Variants in CFAP61 observed in about 807,000 individuals in gnomAD.
The protein encoded by CFAP61 is cilia and flagella associated protein 61.
In CFAP61, 107 loss-of-function variants were observed where a neutral mutation model predicts 135.6. That is an observed-to-expected ratio of 0.79 (90% CI 0.67 to 0.93). The LOEUF (loss-of-function observed/expected upper bound fraction) is 0.93. Ranked by LOEUF, CFAP61 falls within the 40% of genes least tolerant of loss-of-function variation. CFAP61 has a pLI of 0.00. For missense variants in CFAP61, 1,507 were observed against 1,556.2 expected (o/e 0.97, Z 0.53); for synonymous variants, 575 against 578.5 (o/e 0.99, Z 0.09).
At chr20:20,303,240 T>C (rs976640657) in intron 25 of CFAP61, among the ~76,000 whole-genome samples, 2 of 152,206 alleles carry the variant, frequency 1.3e-5, no homozygotes, top group African/African-American at 2.4e-5. Context: ...CCTGGTTTGT[T>C]TCTCCCTAAA....
intron 12 of CFAP61, among the ~76,000 whole-genome samples, chr20:20,167,910 C>A (rs2053949983): frequency 6.6e-6 from 1 of 152,150 alleles, no homozygotes; most frequent in Admixed American, 6.5e-5. Flanking sequence ...CTGCAGGGAC[C>A]TGGCAGAGGA....
chr20:20,273,453 T>C (rs2053517551), intron 21 of CFAP61, among the ~76,000 whole-genome samples: 1 of 152,162 alleles, frequency 6.6e-6, no homozygotes, highest in African/African-American at 2.4e-5. Flanking sequence ...GCCAACTTAG[T>C]AGTGAATACC....
intron 6 of CFAP61, among the ~76,000 whole-genome samples, chr20:20,084,564 C>T (rs897559177): frequency 2.0e-5 from 3 of 152,238 alleles, no homozygotes; most frequent in Non-Finnish European, 2.9e-5. Flanking sequence ...CCTCTGGGGC[C>T]GTAATCATGT....
chr20:20,070,483 CA>C (rs2045626800), intron 2 of CFAP61, among the ~76,000 whole-genome samples: 1 of 152,152 alleles, frequency 6.6e-6, no homozygotes, highest in South Asian at 2.1e-4. Context: ...CAAAGAGAGA[CA>C]CTTGGCCACC....
chr20:20,333,166 C>T (rs904086790), intron 25 of CFAP61, among the ~76,000 whole-genome samples: 5 of 152,098 alleles, frequency 3.3e-5, no homozygotes, highest in African/African-American at 9.7e-5. Flanking sequence ...TGTGAAGCAG[C>T]CTACACAAAC....
intron 2 of CFAP61, chr20:20,069,886 T>C (rs927721244): frequency 8.4e-6 from 3 of 359,250 alleles, no homozygotes; most frequent in Non-Finnish European, 1.7e-5. Context: ...CCTGTTCTCC[T>C]CAAGAAGGAA....
At chr20:20,195,931 A>G (rs931452610) in intron 15 of CFAP61, among the ~76,000 whole-genome samples, 1 of 152,132 alleles carries the variant, frequency 6.6e-6, no homozygotes, top group Admixed American at 6.5e-5. Flanking sequence ...TTACAAAAAA[A>G]TTAGCCAGGC....
intron 24 of CFAP61, among the ~76,000 whole-genome samples, chr20:20,292,267 C>T (rs535833045): frequency 6.6e-6 from 1 of 152,278 alleles, no homozygotes; most frequent in South Asian, 2.1e-4. Flanking sequence ...AATCATTATT[C>T]CAGATAAATA....
At chr20:20,085,294 G>A (rs1177401357) in intron 6 of CFAP61, 8 of 985,296 alleles carry the variant, frequency 8.1e-6, no homozygotes, top group African/African-American at 3.5e-5. Flanking sequence ...CATAGCTGGG[G>A]TGTTTTGTTT....
Position 20,277,445 on chromosome 20 carries a change from G to A in CFAP61, c.2783G>A (p.Arg928Lys), listed in dbSNP as rs2053855550. The A allele has an allele frequency of 2.5e-6, 4 of 1,610,592 alleles. No individual in the cohort carries two copies. In the East Asian group the frequency reaches 8.9e-5, roughly 36 times the overall value. Residue 928 changes from arginine (R) to lysine (K), a missense_variant, in exon 22 of 27, where the codon AGA (arginine) becomes AAA (lysine). Coordinates refer to ENST00000245957, the MANE Select transcript of CFAP61 (RefSeq NM_015585.4). ...TTCACCACACCCACCAAGCCTTTCA[G>A]ACTCCAGTGCTCTGTAAGTGGGTCC... Reference protein sequence around the residue: ...ASFTTPTKPFRLQCSMFFSFC... With the variant: ...ASFTTPTKPFKLQCSMFFSFC...
intron 13 of CFAP61, among the ~76,000 whole-genome samples, chr20:20,186,768 C>A (rs1269842085): frequency 6.6e-6 from 1 of 152,108 alleles, no homozygotes; most frequent in South Asian, 2.1e-4. Context: ...AAAATTTAAG[C>A]ACAGATGTTC....
intron 13 of CFAP61, among the ~76,000 whole-genome samples, chr20:20,181,310 T>C (rs2055082283): frequency 1.5e-5 from 2 of 129,776 alleles, no homozygotes; most frequent in South Asian, 4.7e-4. Context: ...CATAACCTTG[T>C]GTCTAAAACA....
intron 8 of CFAP61, among the ~76,000 whole-genome samples, chr20:20,131,927 T>C (rs1422124257): frequency 5.3e-5 from 8 of 152,104 alleles, no homozygotes; most frequent in Non-Finnish European, 1.0e-4. Flanking sequence ...ATGTTCTTGT[T>C]TTTTTATTTT....
Position 20,296,063 on chromosome 20 carries a change from C to G in CFAP61, c.3217-2118C>G, listed in dbSNP as rs1297081735. 7.4e-4 allele frequency among the ~76,000 whole-genome samples: 23 copies of G among 31,206 alleles called. 1 individual carries two copies. Among genetic ancestry groups the G allele is most frequent in the Non-Finnish European group, 9.3e-4 (13 of 14,018 alleles). The allele number at this position is 31,206 out of a possible 152,430, so 20.5% of individuals were successfully genotyped here. ...CCTCCCTCCCTTCCTTCCCTTCCTTCCCTTCCTTCCCTCCTTTTCTTCCTT... is the reference window on the plus strand; with the variant it reads ...CCTCCCTCCCTTCCTTCCCTTCCTTGCCTTCCTTCCCTCCTTTTCTTCCTT... On this transcript the variant is annotated intron_variant, in intron 24 of 26. Transcript: ENST00000245957.
intron 2 of CFAP61, among the ~76,000 whole-genome samples, chr20:20,063,049 C>G (rs539349170): frequency 9.1e-4 from 139 of 152,164 alleles, no homozygotes; most frequent in Middle Eastern, 3.4e-3. Context: ...TTCTTAAAAT[C>G]AACTTAAGAA....
chr20:20,352,584 G>A (rs941867559), intron 26 of CFAP61, among the ~76,000 whole-genome samples: 2 of 152,176 alleles, frequency 1.3e-5, no homozygotes, highest in Non-Finnish European at 2.9e-5. Flanking sequence ...ACACAATGGG[G>A]AAAGGACAGT....
chr20:20,231,818 A>C lies in CFAP61; in HGVS notation c.2060+3442A>C, dbSNP rs189581765. ...TGTACTATGGGGTAGAGGGCCGTGAATTGGAGGGGAAAGAACAGATCTTAA... is the reference window on the plus strand; with the variant it reads ...TGTACTATGGGGTAGAGGGCCGTGACTTGGAGGGGAAAGAACAGATCTTAA... On this transcript the variant is annotated intron_variant, in intron 18 of 26. Coordinates refer to ENST00000245957, the MANE Select transcript of CFAP61 (RefSeq NM_015585.4). Among the ~76,000 whole-genome samples, 18 of 152,298 alleles carry C rather than the reference A, an allele frequency of 1.2e-4. No homozygotes were observed. In the East Asian group the frequency reaches 3.3e-3, roughly 28 times the overall value.
chr20:20,213,948 G>A (rs1018961863), intron 17 of CFAP61, among the ~76,000 whole-genome samples: 2 of 151,018 alleles, frequency 1.3e-5, no homozygotes, highest in Non-Finnish European at 2.9e-5. Context: ...TCATATGAAG[G>A]CAGAGTGTTT....
rs1015261404 is a variant in CFAP61, at chr20:20,277,387, G to A, written c.2725G>A (p.Gly909Ser). 3 of 1,613,950 alleles carry A rather than the reference G, an allele frequency of 1.9e-6. No individual in the cohort carries two copies. The highest frequency in any genetic ancestry group is 2.7e-5 in the African/African-American group (2 of 74,922). The part of the protein sequence containing the change: ...RDAILAQWND[G>S]LHPDPIYSAS... ...TGCGATCCTGGCCCAGTGGAATGAC[G>A]GCCTGCACCCAGACCCCATCTACAG... Residue 909 changes from glycine to serine, a missense_variant, in exon 22 of 27, where the codon GGC becomes AGC. Coordinates refer to ENST00000245957, the MANE Select transcript of CFAP61 (RefSeq NM_015585.4).
Sources: gnomAD v4.1 joint callset for allele counts (sites outside exome capture counted in the v4.1 genomes callset) on GRCh38, gnomAD v4.1.1 for gene constraint, MANE v1.5 for transcripts, NCBI Gene and HGNC (gene_info 2026-07-23, HGNC 2026-07-21) for gene names.